The following SMIM21 variants were observed in gnomAD, a reference collection of about 807,000 sequenced individuals.
SMIM21 encodes the protein small integral membrane protein 21.
Under a neutral mutation model 8.6 loss-of-function variants are expected in SMIM21, and 8 were observed. The ratio of observed to expected loss-of-function variants is 0.93; its 90% confidence interval spans 0.55 to 1.68. The LOEUF is 1.68. SMIM21 is among the 40% of genes most tolerant of loss of function. The probability of loss-of-function intolerance (pLI) is 0.00; values close to 1 mark genes in which losing one functional copy is unlikely to be tolerated. For missense variants in SMIM21, 132 were observed against 123.0 expected (o/e 1.07, Z -0.35); for synonymous variants, 43 against 41.7 (o/e 1.03, Z -0.12).
intron 1 of SMIM21, chr18:75,419,153 A>C (rs780171842): frequency 3.0e-5 from 9 of 303,134 alleles, no homozygotes; most frequent in Non-Finnish European, 5.5e-5. Context: ...GTAGAATTTT[A>C]AGTATCAGTG....
intron 1 of SMIM21, among the ~76,000 whole-genome samples, chr18:75,425,006 A>T (rs950326517): frequency 1.3e-5 from 2 of 152,222 alleles, no homozygotes; most frequent in African/African-American, 4.8e-5. Flanking sequence ...AGCTCCCTCA[A>T]GTCTCATGGC....
intron 2 of SMIM21, among the ~76,000 whole-genome samples, chr18:75,411,136 T>G (rs2024579659): frequency 6.6e-6 from 1 of 152,184 alleles, no homozygotes; most frequent in Non-Finnish European, 1.5e-5. Context: ...AACCCTGGAA[T>G]AATTCTCTGA....
chr18:75,425,850 T>C (rs1409091546), intron 1 of SMIM21, among the ~76,000 whole-genome samples: 1 of 152,080 alleles, frequency 6.6e-6, no homozygotes, highest in African/African-American at 2.4e-5. Flanking sequence ...AAATCAAGAG[T>C]TGAAGATGGA....
chr18:75,415,900 A>C (rs2024638808), intron 2 of SMIM21: 1 of 152,226 alleles, frequency 6.6e-6, no homozygotes, highest in Admixed American at 6.5e-5. Context: ...TTTTAATGAG[A>C]GGATGGCATT....
At chr18:75,413,360 C>G (rs2024603086) in intron 2 of SMIM21, among the ~76,000 whole-genome samples, 1 of 152,178 alleles carries the variant, frequency 6.6e-6, no homozygotes, top group East Asian at 1.9e-4. Context: ...TTTATTTTCT[C>G]CTGATCACCC....
intron 2 of SMIM21, among the ~76,000 whole-genome samples, chr18:75,413,103 C>T (rs1156506680): frequency 2.0e-5 from 3 of 151,874 alleles, no homozygotes; most frequent in African/African-American, 7.2e-5. Context: ...CAGGCCTCCA[C>T]GCTGATGCTC....
chr18:75,422,451 T>A (rs1056786804), intron 1 of SMIM21, among the ~76,000 whole-genome samples: 1 of 152,166 alleles, frequency 6.6e-6, no homozygotes, highest in Non-Finnish European at 1.5e-5. Context: ...ACATAGCAGT[T>A]CTGGTCATAG....
At position 75,409,707 on chromosome 18, in the gene SMIM21, A is replaced by G. The variant is rs1259453261; in HGVS notation, c.*1157T>C. The G allele has an allele frequency of 2.0e-5, 3 of 152,186 alleles. No individual in the cohort carries two copies. Among genetic ancestry groups the G allele is most frequent in the Non-Finnish European group, 4.4e-5 (3 of 68,052 alleles). 9.4% of individuals were successfully genotyped at this position (152,186 alleles called of 1,614,324 possible). A position where few individuals can be genotyped will look rare whatever the true frequency, so the allele number is the denominator to read the frequency against. ...TGTGTGTAAGAATAGTCTCCATTAT[A>G]GTATTTTTCTCTGCGACACACAGAT... On this transcript the variant is annotated 3_prime_UTR_variant, in exon 3 of 3. Coordinates refer to ENST00000579022, the MANE Select transcript of SMIM21 (RefSeq NM_001037331.3).
chr18:75,427,372 G>A (rs779893018), intron 1 of SMIM21, 63 bp downstream of exon 1: 5 of 1,528,164 alleles, frequency 3.3e-6, no homozygotes, highest in Non-Finnish European at 4.4e-6. Context: ...GTGCTTTGTA[G>A]GACCATACCT....
intron 1 of SMIM21, among the ~76,000 whole-genome samples, chr18:75,422,994 A>G (rs915669626): frequency 1.3e-5 from 2 of 152,250 alleles, no homozygotes; most frequent in African/African-American, 2.4e-5. Context: ...CTTTGTCCTT[A>G]ATTTATCATA....
At chr18:75,421,629 T>C (rs534736343) in intron 1 of SMIM21, among the ~76,000 whole-genome samples, 31 of 152,170 alleles carry the variant, frequency 2.0e-4, no homozygotes, top group African/African-American at 7.5e-4. Context: ...ATCAAAATAG[T>C]GTAAGATACC....
At chr18:75,417,720 C>A (rs62089460) in intron 2 of SMIM21, 5 of 152,390 alleles carry the variant, frequency 3.3e-5, no homozygotes, top group African/African-American at 1.2e-4. Flanking sequence ...AAACCCAGAG[C>A]AGACCAGGAG....
At chr18:75,416,806 G>A (rs909480533) in intron 2 of SMIM21, 2 of 148,182 alleles carry the variant, frequency 1.3e-5, no homozygotes, top group Admixed American at 1.4e-4. Flanking sequence ...TCTGGTGTCT[G>A]TGCTGCTTTT....
chr18:75,414,077 A>T (rs1000039958), intron 2 of SMIM21, among the ~76,000 whole-genome samples: 6 of 53,738 alleles, frequency 1.1e-4, no homozygotes, highest in African/African-American at 2.2e-4. Context: ...TCTCTGTCTC[A>T]CACACACACA....
At chr18:75,411,887 C>A (rs112226996) in intron 2 of SMIM21, among the ~76,000 whole-genome samples, 1 of 152,166 alleles carries the variant, frequency 6.6e-6, no homozygotes, top group Admixed American at 6.5e-5. Flanking sequence ...CCATCTGCTC[C>A]CTTCATTTCT....
In SMIM21 at chr18:75,421,849, C is replaced by T. The variant is rs145795273; in HGVS notation, c.130-2933G>A. 1.8e-3 allele frequency among the ~76,000 whole-genome samples: 272 copies of T among 152,296 alleles called. 1 individual carries two copies. The highest frequency in any genetic ancestry group is 6.0e-3 in the African/African-American group (251 of 41,558). ...TTTCTTATCTGCTTCTGCACTGAGT[C>T]TTTCGAAATACCTAACCTCATTCAG... On this transcript the variant is annotated intron_variant, in intron 1 of 2. Coordinates refer to ENST00000579022, the MANE Select transcript of SMIM21 (RefSeq NM_001037331.3).
intron 1 of SMIM21, among the ~76,000 whole-genome samples, chr18:75,420,302 A>G (rs2024695554): frequency 6.6e-6 from 1 of 152,220 alleles, no homozygotes; most frequent in Non-Finnish European, 1.5e-5. Flanking sequence ...GAAAGGTGGG[A>G]CTTCTTAATG....
At chr18:75,424,558 G>A (rs757873740) in intron 1 of SMIM21, among the ~76,000 whole-genome samples, 2 of 152,116 alleles carry the variant, frequency 1.3e-5, no homozygotes, top group African/African-American at 2.4e-5. Flanking sequence ...AACTTTGGAA[G>A]CATCCCAGTG....
chr18:75,410,952 T>C (rs761772469), intron 2 of SMIM21, 43 bp from the exon 3 acceptor site: 3 of 1,606,066 alleles, frequency 1.9e-6, no homozygotes, highest in Non-Finnish European at 2.6e-6. Flanking sequence ...ATTTTTTTGA[T>C]AGATATAATC....
Sources: gnomAD v4.1 joint callset for allele counts (sites outside exome capture counted in the v4.1 genomes callset) on GRCh38, gnomAD v4.1.1 for gene constraint, MANE v1.5 for transcripts, NCBI Gene and HGNC (gene_info 2026-07-23, HGNC 2026-07-21) for gene names.